TRIQK: variants seen among roughly 807,000 people sequenced by gnomAD.
TRIQK encodes triple QxxK/R motif containing.
In TRIQK, 10 loss-of-function variants were observed where a neutral mutation model predicts 10.8. That is an observed-to-expected ratio of 0.92 (90% CI 0.57 to 1.57). The LOEUF (loss-of-function observed/expected upper bound fraction) is 1.57. Ranked by LOEUF, TRIQK falls within the 40% of genes most tolerant of loss-of-function variation. TRIQK has a pLI of 0.00. For synonymous variants in TRIQK, 33 were observed against 33.7 expected (o/e 0.98, Z 0.07); for missense variants, 107 against 97.7 (o/e 1.09, Z -0.40).
intron 3 of TRIQK, among the ~76,000 whole-genome samples, chr8:92,894,398 TA>T (rs1816912976): frequency 6.6e-6 from 1 of 151,668 alleles, no homozygotes; most frequent in Admixed American, 6.6e-5. Flanking sequence ...CACATGATTG[TA>T]AAAAATATAA....
At chr8:92,987,801 A>G (rs1219511091) in intron 1 of TRIQK, among the ~76,000 whole-genome samples, 6 of 152,128 alleles carry the variant, frequency 3.9e-5, no homozygotes. Flanking sequence ...ATTTAAAAAC[A>G]TGGGGATAGT....
intron 3 of TRIQK, among the ~76,000 whole-genome samples, chr8:92,901,047 T>C (rs1456072877): frequency 1.3e-5 from 2 of 152,166 alleles, no homozygotes; most frequent in Non-Finnish European, 2.9e-5. Flanking sequence ...CTCTTTGCTA[T>C]TGTCATATGG....
intron 1 of TRIQK, among the ~76,000 whole-genome samples, chr8:92,993,555 C>G (rs1290017104): frequency 6.6e-6 from 1 of 152,192 alleles, no homozygotes; most frequent in Non-Finnish European, 1.5e-5. Context: ...CCCAGATACG[C>G]TGCTCATTTT....
intron 3 of TRIQK, among the ~76,000 whole-genome samples, chr8:92,906,500 A>G (rs768182822): frequency 3.9e-5 from 6 of 152,234 alleles, no homozygotes; most frequent in Middle Eastern, 3.4e-3. Flanking sequence ...AAGGGAAGTC[A>G]TAAGTTACAA....
At chr8:92,959,187 G>A (rs879311689) in intron 1 of TRIQK, among the ~76,000 whole-genome samples, 5 of 151,372 alleles carry the variant, frequency 3.3e-5, no homozygotes, top group African/African-American at 4.9e-5. Context: ...CCAAGCTCAC[G>A]GATCATAGGA....
chr8:92,898,870 TATAG>T lies in TRIQK; in HGVS notation c.62-6800_62-6797del, dbSNP rs1453325093. 5.2e-3 allele frequency among the ~76,000 whole-genome samples: 684 copies of T among 131,630 alleles called. 11 individuals carry two copies. The highest frequency in any genetic ancestry group is 0.018 in the African/African-American group (630 of 35,590). The allele number at this position is 131,630 out of a possible 152,430, so 86.4% of individuals were successfully genotyped here. On this transcript the variant is annotated intron_variant, in intron 3 of 4. Transcript: ENST00000521988. ...ATATATATATATATATATATATATA[TATAG>T]ATGGGGGTACATGAGCTATTTTGAT...
chr8:92,912,286 A>G (rs1198212732), intron 3 of TRIQK, among the ~76,000 whole-genome samples: 1 of 151,852 alleles, frequency 6.6e-6, no homozygotes, highest in Non-Finnish European at 1.5e-5. Context: ...TGGGAAATTC[A>G]CGAATACATG....
intron 1 of TRIQK, among the ~76,000 whole-genome samples, chr8:92,996,794 G>T (rs888300080): frequency 6.6e-6 from 1 of 151,940 alleles, no homozygotes. Flanking sequence ...AGGAGTCTTT[G>T]TAAGTGTGTA....
chr8:92,901,137 A>G (rs1306854832), intron 3 of TRIQK, among the ~76,000 whole-genome samples: 1 of 152,094 alleles, frequency 6.6e-6, no homozygotes, highest in African/African-American at 2.4e-5. Context: ...ATTAATTTTA[A>G]TAGTTTCTCA....
intron 3 of TRIQK, among the ~76,000 whole-genome samples, chr8:92,899,345 A>C (rs565132326): frequency 6.6e-6 from 1 of 151,864 alleles, no homozygotes; most frequent in Non-Finnish European, 1.5e-5. Context: ...ATTCATTCTT[A>C]CTAACTATAT....
chr8:92,978,675 G>T (rs578134376), intron 1 of TRIQK, among the ~76,000 whole-genome samples: 86 of 152,184 alleles, frequency 5.7e-4, no homozygotes, highest in African/African-American at 2.0e-3. Context: ...TCAGGGATTT[G>T]TTTTTCCTTT....
At chr8:92,929,982 C>A (rs981238715) in intron 2 of TRIQK, among the ~76,000 whole-genome samples, 1 of 151,916 alleles carries the variant, frequency 6.6e-6, no homozygotes, top group Non-Finnish European at 1.5e-5. Context: ...ATGAAAACTG[C>A]TCTTTCTAAA....
chr8:93,016,643 G>A (rs954077178), intron 1 of TRIQK, among the ~76,000 whole-genome samples: 13 of 152,186 alleles, frequency 8.5e-5, no homozygotes, highest in African/African-American at 2.9e-4. Flanking sequence ...GGAAAGGCAA[G>A]GCATGATGAA....
intron 1 of TRIQK, among the ~76,000 whole-genome samples, chr8:93,009,887 C>A (rs778912826): frequency 1.2e-4 from 18 of 151,902 alleles, no homozygotes; most frequent in Non-Finnish European, 2.4e-4. Flanking sequence ...CCTAAGTGTC[C>A]AACACTTAGG....
chr8:92,930,618 G>T (rs1426815598), intron 2 of TRIQK, among the ~76,000 whole-genome samples: 2 of 151,878 alleles, frequency 1.3e-5, no homozygotes, highest in Non-Finnish European at 2.9e-5. Flanking sequence ...AAGAAGCAAG[G>T]GTACCATTAG....
At chr8:92,922,653 A>G in intron 2 of TRIQK, 1 of 151,974 alleles carries the variant, frequency 6.6e-6, no homozygotes, top group Middle Eastern at 3.4e-3. Context: ...TTTTTACCAA[A>G]GTAGCTGAAT....
chr8:92,932,178 T>C (rs935222033), intron 2 of TRIQK, among the ~76,000 whole-genome samples: 12 of 152,114 alleles, frequency 7.9e-5, no homozygotes, highest in African/African-American at 2.9e-4. Flanking sequence ...ACTATGGCGT[T>C]TGTGTTCCCG....
intron 3 of TRIQK, among the ~76,000 whole-genome samples, chr8:92,911,520 G>C (rs1345538041): frequency 6.6e-6 from 1 of 151,464 alleles, no homozygotes; most frequent in East Asian, 1.9e-4. Flanking sequence ...GTTATATGCT[G>C]TCTATAAAAG....
At position 92,898,872 on chromosome 8, in the gene TRIQK, TAG is replaced by T. The variant is rs1554598345; in HGVS notation, c.62-6800_62-6799del. Among the ~76,000 whole-genome samples, 351 of 122,762 alleles carry T rather than the reference TAG, an allele frequency of 2.9e-3. 6 individuals carry two copies. Among genetic ancestry groups the T allele is most frequent in the African/African-American group, 1.0e-2 (326 of 32,648 alleles). The allele number at this position is 122,762 out of a possible 152,430, so 80.5% of individuals were successfully genotyped here. A position where few individuals can be genotyped will look rare whatever the true frequency, so the allele number is the denominator to read the frequency against. On this transcript the variant is annotated intron_variant, in intron 3 of 4. Transcript: ENST00000521988. Reference sequence around the variant, plus strand: ...ATATATATATATATATATATATATATAGATGGGGGTACATGAGCTATTTTGAT... The same window carrying T: ...ATATATATATATATATATATATATATATGGGGGTACATGAGCTATTTTGAT...
Sources: allele counts gnomAD v4.1 joint callset (sites outside exome capture counted in the v4.1 genomes callset), GRCh38; gene constraint gnomAD v4.1.1; transcripts MANE v1.5; gene names NCBI Gene and HGNC (gene_info 2026-07-23, HGNC 2026-07-21).